The following CLVS1 variants were observed in gnomAD, a reference collection of about 807,000 sequenced individuals.
CLVS1 encodes the protein clavesin-1.
Under a neutral mutation model 33.1 loss-of-function variants are expected in CLVS1, and 10 were observed. The observed-to-expected ratio is 0.30, with a 90% CI of 0.19 to 0.51. The LOEUF (loss-of-function observed/expected upper bound fraction) is 0.51. CLVS1 is among the 20% of genes least tolerant of loss of function. The pLI is 0.97. For missense variants in CLVS1, 343 were observed against 433.4 expected (o/e 0.79, Z 1.85); for synonymous variants, 163 against 166.1 (o/e 0.98, Z 0.14).
At chr8:61,030,060 C>T in the CLVS1 span, among the ~76,000 whole-genome samples, 1 of 152,202 alleles carries the variant, frequency 6.6e-6, no homozygotes. Flanking sequence ...GCCTCTGCAC[C>T]CTGTGGGCTG....
At chr8:61,428,491 T>A (rs554239266) in intron 3 of CLVS1, among the ~76,000 whole-genome samples, 1 of 152,206 alleles carries the variant, frequency 6.6e-6, no homozygotes, top group Non-Finnish European at 1.5e-5. Context: ...AATAAGAACC[T>A]AGGAAATGTG....
intron 1 of CLVS1, among the ~76,000 whole-genome samples, chr8:61,129,098 C>A (rs1806036283): frequency 6.6e-6 from 1 of 152,224 alleles, no homozygotes; most frequent in South Asian, 2.1e-4. Flanking sequence ...AGAACATCAA[C>A]CCTCAGCTGA....
At chr8:61,048,783 G>C in the CLVS1 span, among the ~76,000 whole-genome samples, 1 of 152,058 alleles carries the variant, frequency 6.6e-6, no homozygotes, top group Non-Finnish European at 1.5e-5. Flanking sequence ...ACCTGAGACA[G>C]CAGCCTTGCC....
chr8:61,448,773 T>A (rs1816847398), intron 3 of CLVS1, among the ~76,000 whole-genome samples: 1 of 152,112 alleles, frequency 6.6e-6, no homozygotes, highest in Non-Finnish European at 1.5e-5. Flanking sequence ...TATCAATTCC[T>A]ATTTCCTTTC....
chr8:61,421,033 A>G (rs1203723724), intron 3 of CLVS1, among the ~76,000 whole-genome samples: 2 of 152,222 alleles, frequency 1.3e-5, no homozygotes, highest in Non-Finnish European at 2.9e-5. Context: ...CTGAGTATGC[A>G]AGTTGAGAGA....
intron 3 of CLVS1, among the ~76,000 whole-genome samples, chr8:61,429,593 A>G (rs957156463): frequency 2.6e-5 from 4 of 152,138 alleles, no homozygotes; most frequent in Non-Finnish European, 4.4e-5. Flanking sequence ...ATGTCGTTGT[A>G]TTGGGGATTA....
In CLVS1 at chr8:61,097,926, G is replaced by C. The variant is rs368325612; in HGVS notation, c.-242-33844G>C. ...GTTGATATCCCTAAAAGTTCTTCCA[G>C]AAAGGCTATTTTAAAAGAGCTCACA... On this transcript the variant is annotated intron_variant, in intron 1 of 2. Transcript: ENST00000522621. Among the ~76,000 whole-genome samples the C allele has an allele frequency of 2.6e-5, 4 of 152,266 alleles. No homozygotes were observed. In the East Asian group the frequency reaches 5.8e-4, roughly 22 times the overall value.
intron 1 of CLVS1, among the ~76,000 whole-genome samples, chr8:61,118,044 T>A (rs1426182042): frequency 6.6e-6 from 1 of 152,200 alleles, no homozygotes; most frequent in Admixed American, 6.5e-5. Context: ...TTGCCACAAT[T>A]TCAGATCCTG....
At chr8:61,192,365 A>C (rs1807503786) in intron 2 of CLVS1, among the ~76,000 whole-genome samples, 1 of 152,234 alleles carries the variant, frequency 6.6e-6, no homozygotes. Context: ...CACCTTATAC[A>C]AAAATTAATT....
At position 61,430,579 on chromosome 8, in the gene CLVS1, C is replaced by T. The variant is rs73685013; in HGVS notation, c.631-23562C>T. Among the ~76,000 whole-genome samples the T allele has an allele frequency of 3.3e-5, 5 of 152,190 alleles. No homozygotes were observed. In the South Asian group the frequency reaches 8.3e-4, roughly 25 times the overall value. On this transcript the variant is annotated intron_variant, in intron 3 of 5. Transcript: ENST00000325897. ...TGAAATGACTCCCAACTCCATGAGG[C>T]GCCTTGCTTAGGATCAGAGGAACCC...
chr8:61,106,651 A>G (rs1160060079), intron 1 of CLVS1, among the ~76,000 whole-genome samples: 1 of 152,212 alleles, frequency 6.6e-6, no homozygotes, highest in East Asian at 1.9e-4. Flanking sequence ...CAAACAGCCC[A>G]GGTGCAGGTG....
intron 3 of CLVS1, among the ~76,000 whole-genome samples, chr8:61,427,811 T>G (rs1197861131): frequency 2.6e-5 from 4 of 152,216 alleles, no homozygotes; most frequent in African/African-American, 9.6e-5. Flanking sequence ...TTGGTAACAC[T>G]GTTAGGATGG....
intron 1 of CLVS1, among the ~76,000 whole-genome samples, chr8:61,115,954 A>AC (rs1431101680): frequency 1.4e-5 from 2 of 145,048 alleles, no homozygotes; most frequent in African/African-American, 2.6e-5. Flanking sequence ...CGCCACACTG[A>AC]CTTCCACAAT....
chr8:61,053,966 T>G (rs934797979), upstream of CLVS1, among the ~76,000 whole-genome samples: 2 of 152,204 alleles, frequency 1.3e-5, no homozygotes, highest in Non-Finnish European at 2.9e-5. Context: ...TCTCTTGGAC[T>G]TCCATATTTC....
At chr8:61,386,226 C>T (rs992836969) in intron 3 of CLVS1, among the ~76,000 whole-genome samples, 2 of 152,130 alleles carry the variant, frequency 1.3e-5, no homozygotes, top group South Asian at 4.1e-4. Flanking sequence ...GTGTCTGATT[C>T]AGTAGTTTGG....
chr8:61,135,132 C>T lies in CLVS1; in HGVS notation c.-152+3272C>T, dbSNP rs1034712388. ...AAGGAAAGTATCTGATCTAGAAAGC[C>T]AAAAAGAGAAAAGACTTCCAAGCAG... On this transcript the variant is annotated intron_variant, in intron 2 of 2. Transcript: ENST00000522621. 5.3e-5 allele frequency among the ~76,000 whole-genome samples: 8 copies of T among 151,126 alleles called. No homozygotes were observed. In the South Asian group the frequency reaches 1.7e-3, roughly 32 times the overall value.
the CLVS1 span, among the ~76,000 whole-genome samples, chr8:61,027,306 C>T: frequency 6.4e-3 from 977 of 152,094 alleles, 5 homozygotes; most frequent in African/African-American, 0.021. Context: ...CTATTCTCGC[C>T]CTGTGTTATA....
At chr8:61,019,978 T>C in the CLVS1 span, among the ~76,000 whole-genome samples, 101 of 152,288 alleles carry the variant, frequency 6.6e-4, 1 homozygote, top group African/African-American at 2.2e-3. Context: ...ACGTTAGCTG[T>C]ATTATAAACA....
At chr8:61,057,596 C>G (rs929648863) in intron 1 of CLVS1, among the ~76,000 whole-genome samples, 1 of 151,786 alleles carries the variant, frequency 6.6e-6, no homozygotes, top group Non-Finnish European at 1.5e-5. Context: ...TTATTTTGTA[C>G]TTAGTTCTGG....
Sources: gnomAD v4.1 joint callset for allele counts (sites outside exome capture counted in the v4.1 genomes callset) on GRCh38, gnomAD v4.1.1 for gene constraint, MANE v1.5 for transcripts, NCBI Gene and HGNC (gene_info 2026-07-23, HGNC 2026-07-21) for gene names.